NUMA1: variants seen among roughly 807,000 people sequenced by gnomAD.
The protein encoded by NUMA1 is SP-H antigen.
In NUMA1, 62 loss-of-function variants were observed where a neutral mutation model predicts 237.1. That is an observed-to-expected ratio of 0.26 (90% CI 0.21 to 0.32). The LOEUF (loss-of-function observed/expected upper bound fraction) is 0.32. Among genes scored for constraint, NUMA1 ranks in the 10% least tolerant of loss-of-function variants. The pLI is 1.00. For synonymous variants in NUMA1, 1,028 were observed against 1,066.1 expected (o/e 0.96, Z 0.70); for missense variants, 2,533 against 2,666.5 (o/e 0.95, Z 1.10).
intron 8 of NUMA1, 118 bp from the exon 9 acceptor site, chr11:72,019,735 A>C: frequency 9.1e-7 from 1 of 1,101,222 alleles, no homozygotes. Context: ...GGATACTTAT[A>C]TGTAAACTAC....
intron 7 of NUMA1, among the ~76,000 whole-genome samples, chr11:72,021,865 C>T (rs1375581165): frequency 1.3e-5 from 2 of 152,180 alleles, no homozygotes; most frequent in Non-Finnish European, 2.9e-5. Flanking sequence ...CCTCCTGTCT[C>T]GGCCTCCCAA....
In NUMA1 at chr11:72,016,095, C is replaced by T; in HGVS notation, c.1408G>A (p.Asp470Asn). The T allele has an allele frequency of 6.2e-7, 1 of 1,614,150 alleles. No individual in the cohort carries two copies. The highest frequency in any genetic ancestry group is 8.5e-7 in the Non-Finnish European group (1 of 1,180,038). Reference protein sequence around the residue: ...EKQQLSSLITDLQSSISNLSQ... With the variant: ...EKQQLSSLITNLQSSISNLSQ... Reference sequence around the variant, plus strand: ...AGGTTGGAGATGGAGCTCTGCAGGTCAGTGATCAGGCTAGACAGCTGCTGC... The same window carrying T: ...AGGTTGGAGATGGAGCTCTGCAGGTTAGTGATCAGGCTAGACAGCTGCTGC... Residue 470 changes from aspartate to asparagine, a missense_variant, in exon 15 of 27, where the codon GAC (aspartate) becomes AAC (asparagine). Coordinates refer to ENST00000393695, the MANE Select transcript of NUMA1 (RefSeq NM_006185.4).
intron 2 of NUMA1, among the ~76,000 whole-genome samples, chr11:72,063,690 G>C (rs559328461): frequency 1.3e-5 from 2 of 149,672 alleles, no homozygotes; most frequent in South Asian, 4.2e-4. Context: ...GCCAAGGTAG[G>C]AGGATTGCTT....
At chr11:72,022,595 T>C (rs1939026152) in intron 6 of NUMA1, among the ~76,000 whole-genome samples, 176 bp from the exon 7 acceptor site, 1 of 151,756 alleles carries the variant, frequency 6.6e-6, no homozygotes, top group African/African-American at 2.4e-5. Flanking sequence ...TTTTTTTTTT[T>C]TTAATTAAGG....
chr11:72,035,323 A>T (rs1161581525), intron 3 of NUMA1, among the ~76,000 whole-genome samples: 1 of 152,184 alleles, frequency 6.6e-6, no homozygotes, highest in Non-Finnish European at 1.5e-5. Context: ...GAGAGTGATG[A>T]GAACCTTGTC....
chr11:72,044,692 G>A (rs1188402799), intron 2 of NUMA1, among the ~76,000 whole-genome samples: 1 of 146,920 alleles, frequency 6.8e-6, no homozygotes, highest in Non-Finnish European at 1.5e-5. Context: ...TTTTGAGATG[G>A]AGTCTTGCCC....
At position 72,013,010 on chromosome 11, in the gene NUMA1, G is replaced by A; in HGVS notation, c.4493C>T (p.Ala1498Val). The change falls in exon 15 of 27, where the codon GCA (alanine) becomes GTA (valine). Residue 1498 changes from alanine to valine, a missense_variant. Transcript: ENST00000393695. This position sits in a 1 kb window ranked among gnomAD's most constrained non-coding sequence, Gnocchi z 6.8. ...ETRLAEVQRE[A>V]QSTARELEVM... ...CTCCAGCTCCCGGGCAGTGCTCTGT[G>A]CTTCTCGCTGCACCTCAGCCAGACG... 1 of 1,614,130 alleles carries A rather than the reference G, an allele frequency of 6.2e-7. No homozygotes were observed. The highest frequency in any genetic ancestry group is 8.5e-7 in the Non-Finnish European group (1 of 1,180,030).
chr11:72,056,279 G>C (rs892150679), intron 2 of NUMA1, among the ~76,000 whole-genome samples: 2 of 151,366 alleles, frequency 1.3e-5, no homozygotes, highest in African/African-American at 4.9e-5. Context: ...AGCTACGATT[G>C]TGCCACTGTA....
chr11:72,023,286 C>G (rs1449987963), intron 5 of NUMA1, 139 bp from the exon 6 acceptor site: 1 of 652,890 alleles, frequency 1.5e-6, no homozygotes, highest in African/African-American at 1.8e-5. Context: ...CCTATGGCCT[C>G]TTTCCCCTGC....
At chr11:72,021,019 A>G (rs894504459) in intron 8 of NUMA1, 185 bp downstream of exon 8, 12 of 586,434 alleles carry the variant, frequency 2.0e-5, no homozygotes, top group Non-Finnish European at 3.1e-5. Context: ...GAGGAGCTCC[A>G]TAGGAACTGA....
At chr11:72,029,703 T>C (rs922085412) in intron 3 of NUMA1, among the ~76,000 whole-genome samples, 2 of 152,250 alleles carry the variant, frequency 1.3e-5, no homozygotes, top group African/African-American at 4.8e-5. Flanking sequence ...TTTGTATTTC[T>C]TGAACGTTTA....
At position 72,013,105 on chromosome 11, in the gene NUMA1, T is replaced by C; in HGVS notation, c.4398A>G (p.Glu1466=). 7.4e-6 allele frequency: 12 copies of C among 1,614,188 alleles called. No homozygotes were observed. The highest frequency in any genetic ancestry group is 1.0e-5 in the Non-Finnish European group (12 of 1,180,040). Residue 1466 remains glutamate (E), a synonymous_variant, in exon 15 of 27, where the codon GAA becomes GAG. Transcript: ENST00000393695. The surrounding 1 kb of genome is among the most constrained non-coding windows in gnomAD (Gnocchi z 6.8). The part of the protein sequence containing the change: ...ERANLGRQFL[E]VELDQAREKY... ...TCTCCCGGGCCTGGTCCAACTCCAC[T>C]TCCAGAAACTGCCGGCCAAGGTTGG...
chr11:72,005,419 A>C, intron 22 of NUMA1, 50 bp from the exon 23 acceptor site: 1 of 1,576,660 alleles, frequency 6.3e-7, no homozygotes, highest in Non-Finnish European at 8.6e-7. Flanking sequence ...TCGGCAGGTC[A>C]CCTCCTGGCC....
At chr11:72,017,957 C>G in intron 12 of NUMA1, 130 bp from the exon 13 acceptor site, 1 of 1,122,988 alleles carries the variant, frequency 8.9e-7, no homozygotes, top group East Asian at 2.5e-5. Context: ...CCAATCACAG[C>G]CATCACACCT....
At chr11:72,075,143 G>GA (rs1328380283) in intron 1 of NUMA1, among the ~76,000 whole-genome samples, 1 of 152,082 alleles carries the variant, frequency 6.6e-6, no homozygotes, top group African/African-American at 2.4e-5. Context: ...GAAGTGCTCA[G>GA]AAAAATATAA....
chr11:72,007,476 A>G, intron 20 of NUMA1, 41 bp from the exon 21 acceptor site: 1 of 1,606,684 alleles, frequency 6.2e-7, no homozygotes, highest in Non-Finnish European at 8.5e-7. Flanking sequence ...CCTTCACGCT[A>G]GAAGGCATTT....
In NUMA1 at chr11:72,003,537, G is replaced by C; in HGVS notation, c.6338C>G (p.Ala2113Gly). 1 of 1,614,172 alleles carries C rather than the reference G, an allele frequency of 6.2e-7. No homozygotes were observed. ...ACTGGTACTGGCCCTTTAGTGCTTT[G>C]CCTGAAAGAGACACAGTCACATGGC... The part of the protein sequence containing the change: ...IGATPRAKGK[A>G]KH Residue 2113 changes from alanine to glycine, a missense_variant and splice_region_variant, in exon 27 of 27, where the codon GCA (alanine) becomes GGA (glycine). Coordinates refer to ENST00000393695, the MANE Select transcript of NUMA1 (RefSeq NM_006185.4).
chr11:72,045,337 G>A (rs574897837), intron 2 of NUMA1, among the ~76,000 whole-genome samples: 1 of 152,124 alleles, frequency 6.6e-6, no homozygotes, highest in Non-Finnish European at 1.5e-5. Context: ...TATTCCCACT[G>A]TATCATTTGT....
rs777747383 is a variant in NUMA1 at position 72,014,492 on chromosome 11, C to A, written c.3011G>T (p.Arg1004Met). 8.4e-5 allele frequency: 135 copies of A among 1,602,124 alleles called. No individual in the cohort carries two copies. Among genetic ancestry groups the A allele is most frequent in the Non-Finnish European group, 1.1e-4 (132 of 1,179,952 alleles). Reference protein sequence around the residue: ...QQQEERGQQEREVARLTQERG... With the variant: ...QQQEERGQQEMEVARLTQERG... ...CTCCTGGGTCAGCCGCGCCACCTCC[C>A]TTTCCTGCTGCCCACGCTCCTCCTG... The change falls in exon 15 of 27, where the codon AGG becomes ATG. Residue 1004 changes from arginine (R) to methionine (M), a missense_variant. Around this residue, in one of 3 missense-constraint regions of NUMA1, gnomAD observed 1,414 missense variants for 1,508.1 expected, o/e 0.94. Transcript: ENST00000393695. The surrounding 1 kb of genome is among the most constrained non-coding windows in gnomAD (Gnocchi z 4.6).
Sources: allele counts gnomAD v4.1 joint callset (sites outside exome capture counted in the v4.1 genomes callset), GRCh38; gene constraint gnomAD v4.1.1; regional missense constraint gnomAD v4.1.1; non-coding constraint Gnocchi (gnomAD v3.1); transcripts MANE v1.5; gene names NCBI Gene and HGNC (gene_info 2026-07-23, HGNC 2026-07-21).